NKTR: variants seen among roughly 807,000 people sequenced by gnomAD.
The protein encoded by NKTR is NK-tumor recognition protein.
Under a neutral mutation model 156.3 loss-of-function variants are expected in NKTR, and 67 were observed. The observed-to-expected ratio is 0.43, with a 90% CI of 0.35 to 0.53. The LOEUF (loss-of-function observed/expected upper bound fraction) is 0.53, where lower values mean the gene tolerates loss of function less well. NKTR is among the 20% of genes least tolerant of loss of function. NKTR has a pLI of 0.01. For missense variants in NKTR, 1,604 were observed against 1,730.9 expected, an observed-to-expected ratio of 0.93 and a Z score of 1.30; for synonymous variants, 640 against 596.6, an observed-to-expected ratio of 1.07 and a Z score of -1.06.
chr3:42,645,576 A>G (rs550090234), intron 16 of NKTR, among the ~76,000 whole-genome samples: 1 of 152,102 alleles, frequency 6.6e-6, no homozygotes, highest in South Asian at 2.1e-4. Flanking sequence ...TGCAGCTACT[A>G]GGGAGGCTGA....
rs571275948 is a variant in NKTR, at chr3:42,622,906, C to T, written c.374+1390C>T. Among the ~76,000 whole-genome samples the T allele has an allele frequency of 2.0e-5, 3 of 152,022 alleles. No individual in the cohort carries two copies. The South Asian group carries it at 6.2e-4, about 32-fold the overall frequency. On this transcript the variant is annotated intron_variant, in intron 6 of 16. Coordinates refer to ENST00000232978, the MANE Select transcript of NKTR (RefSeq NM_005385.4). Reference sequence around the variant, plus strand: ...TGGTCAAGAAGCTACCATTTGAGGGCTCTAAAGTTTCTTTTAGATTTCCTT... The same window carrying T: ...TGGTCAAGAAGCTACCATTTGAGGGTTCTAAAGTTTCTTTTAGATTTCCTT...
intron 6 of NKTR, chr3:42,630,310 A>G (rs1348355331): frequency 3.1e-6 from 4 of 1,306,994 alleles, no homozygotes; most frequent in East Asian, 3.0e-5. Context: ...ATGCATACAT[A>G]TAGTCTAATA....
chr3:42,621,899 C>G (rs1164982197), intron 6 of NKTR, among the ~76,000 whole-genome samples: 1 of 151,962 alleles, frequency 6.6e-6, no homozygotes, highest in Non-Finnish European at 1.5e-5. Context: ...TGTACCCCCT[C>G]AACAGGGAAA....
chr3:42,645,987 T>C lies in NKTR; in HGVS notation c.*12T>C. 1.9e-6 allele frequency: 3 copies of C among 1,579,496 alleles called. No individual in the cohort carries two copies. Among genetic ancestry groups the C allele is most frequent in the Non-Finnish European group, 2.6e-6 (3 of 1,149,180 alleles). ...GCAGATACAGTTGAAAACGTCCGGATACAAATTATATCTTATTTGTAAATA... is the reference window on the plus strand; with the variant it reads ...GCAGATACAGTTGAAAACGTCCGGACACAAATTATATCTTATTTGTAAATA... On this transcript the variant is annotated 3_prime_UTR_variant, in exon 17 of 17. Coordinates refer to ENST00000232978, the MANE Select transcript of NKTR (RefSeq NM_005385.4).
rs961033824 is a variant in NKTR, at chr3:42,637,241, C to A, written c.1537C>A (p.His513Asn). ...TAAGGATGTCCAGAGCTCTTTAACC[C>A]ATTCCAGCAGAGACTCATACAGATC... ...SDKDVQSSLT[H>N]SSRDSYRSKS... The change falls in exon 13 of 17, where the codon CAT (histidine) becomes AAT (asparagine). Residue 513 changes from histidine (H) to asparagine (N), a missense_variant. Physicochemically the swap from His to Asn is moderately conservative, Grantham distance 68. Coordinates refer to ENST00000232978, the MANE Select transcript of NKTR (RefSeq NM_005385.4). The A allele has an allele frequency of 1.2e-6, 2 of 1,611,776 alleles. No individual in the cohort carries two copies. Among genetic ancestry groups the A allele is most frequent in the Non-Finnish European group, 1.7e-6 (2 of 1,179,306 alleles).
At chr3:42,605,263 G>A (rs1178434656) in intron 2 of NKTR, among the ~76,000 whole-genome samples, 1 of 152,076 alleles carries the variant, frequency 6.6e-6, no homozygotes, top group Non-Finnish European at 1.5e-5. Flanking sequence ...GATTTCTTCT[G>A]GATAGCAAAT....
In NKTR at chr3:42,635,350, T is replaced by C; in HGVS notation, c.1147T>C (p.Trp383Arg). The change falls in exon 12 of 17, where the codon TGG becomes CGG. Residue 383 changes from tryptophan to arginine, a missense_variant. By Grantham distance (101) the Trp-to-Arg change is moderately radical (BLOSUM62 -3). Coordinates refer to ENST00000232978, the MANE Select transcript of NKTR (RefSeq NM_005385.4). ...ATATAGACCACCTAGTGGAGAAAAA[T>C]GGAGTAAAGGAGATAAGTAAGAACT... ...RAYRPPSGEKWSKGDKLSDPC... is the reference protein window; with the variant it reads ...RAYRPPSGEKRSKGDKLSDPC... 1 of 1,609,722 alleles carries C rather than the reference T, an allele frequency of 6.2e-7. No individual in the cohort carries two copies. The highest frequency in any genetic ancestry group is 1.7e-5 in the Admixed American group (1 of 59,226).
rs747427726 is a variant in NKTR at position 42,637,213 on chromosome 3, T to C, written c.1509T>C (p.Ser503=). Residue 503 remains serine, a synonymous_variant, in exon 13 of 17, where the codon TCT becomes TCC. Transcript: ENST00000232978. ...HHSSKRDWSK[S]DKDVQSSLTH... is the part of the protein sequence containing the mutation. Reference sequence around the variant, plus strand: ...CATCAAAGAGAGACTGGTCTAAATCTGATAAGGATGTCCAGAGCTCTTTAA... The same window carrying C: ...CATCAAAGAGAGACTGGTCTAAATCCGATAAGGATGTCCAGAGCTCTTTAA... 2 of 1,611,260 alleles carry C rather than the reference T, an allele frequency of 1.2e-6. No individual in the cohort carries two copies. The highest frequency in any genetic ancestry group is 2.2e-5 in the South Asian group (2 of 90,420).
chr3:42,628,515 TG>T, intron 6 of NKTR: 1 of 985,426 alleles, frequency 1.0e-6, no homozygotes, highest in Non-Finnish European at 1.2e-6. Context: ...TCAGCCAAGA[TG>T]GCAAATTGAA....
intron 6 of NKTR, among the ~76,000 whole-genome samples, chr3:42,622,791 A>G (rs1408332442): frequency 2.0e-5 from 3 of 152,070 alleles, no homozygotes; most frequent in Admixed American, 6.6e-5. Context: ...TAGTAACTTA[A>G]TGTAAAAATT....
intron 2 of NKTR, among the ~76,000 whole-genome samples, chr3:42,613,732 A>T (rs1005069549): frequency 1.3e-5 from 2 of 152,300 alleles, no homozygotes; most frequent in Admixed American, 1.3e-4. Context: ...CATGACATAG[A>T]CTTTTCCTGT....
Position 42,635,413 on chromosome 3 carries a change from A to C in NKTR, c.1163+47A>C, listed in dbSNP as rs780017629. The stretch of plus-strand genomic sequence containing the variant: ...ACAATCCTGTGTCTGTTATATTTTA[A>C]ATGTTAAAGGGATTGGATACAATTC... On this transcript the variant is annotated intron_variant, in intron 12 of 16. Transcript: ENST00000232978. 32 of 1,441,492 alleles carry C rather than the reference A, an allele frequency of 2.2e-5. No homozygotes were observed. In the Admixed American group the frequency reaches 6.1e-4, roughly 28 times the overall value. The allele number at this position is 1,441,492 out of a possible 1,614,324, so 89.3% of individuals were successfully genotyped here.
rs748456955 is a variant in NKTR at position 42,637,374 on chromosome 3, C to G, written c.1670C>G (p.Ser557Cys). 6.2e-7 allele frequency: 1 copy of G among 1,614,124 alleles called. No homozygotes were observed. The highest frequency in any genetic ancestry group is 2.2e-5 in the East Asian group (1 of 44,886). The stretch of plus-strand genomic sequence containing the variant: ...TCAAAGTCCAGATCTAGTTCCAAGT[C>G]TGGGCACCGAAAGAGAGCATCAAAA... ...SRSKSRSSSKSGHRKRASKSP... is the reference protein window; with the variant it reads ...SRSKSRSSSKCGHRKRASKSP... Residue 557 changes from serine (S) to cysteine (C), a missense_variant, in exon 13 of 17, where the codon TCT (serine) becomes TGT (cysteine). Physicochemically the swap from Ser to Cys is moderately radical, Grantham distance 112 (BLOSUM62 -1). This residue lies in a region of NKTR where 1,255 missense variants were observed against 1,243.7 expected (regional missense o/e 1.01). Transcript: ENST00000232978.
chr3:42,621,805 G>T (rs1019523012), intron 6 of NKTR, among the ~76,000 whole-genome samples: 20 of 151,766 alleles, frequency 1.3e-4, no homozygotes, highest in Non-Finnish European at 2.5e-4. Context: ...TGTCAAATTC[G>T]AGTGCTGACT....
chr3:42,614,611 G>C (rs1222276187), intron 2 of NKTR, among the ~76,000 whole-genome samples: 1 of 152,074 alleles, frequency 6.6e-6, no homozygotes, highest in African/African-American at 2.4e-5. Flanking sequence ...TTGCTGATCT[G>C]TATCCTGTAG....
At position 42,638,672 on chromosome 3, in the gene NKTR, A is replaced by G; in HGVS notation, c.2968A>G (p.Thr990Ala). The G allele has an allele frequency of 6.2e-7, 1 of 1,611,820 alleles. No individual in the cohort carries two copies. The highest frequency in any genetic ancestry group is 8.5e-7 in the Non-Finnish European group (1 of 1,179,530). ...GSKENLKREH[T>A]KKVKEKLKGK... Reference sequence around the variant, plus strand: ...AAAGGAAAATCTTAAAAGAGAACACACCAAAAAAGTGAAAGAGAAATTGAA... The same window carrying G: ...AAAGGAAAATCTTAAAAGAGAACACGCCAAAAAAGTGAAAGAGAAATTGAA... Residue 990 changes from threonine to alanine, a missense_variant, in exon 13 of 17, where the codon ACC (threonine) becomes GCC (alanine). By Grantham distance (58) the Thr-to-Ala change is moderately conservative. Transcript: ENST00000232978.
rs1577575466 is a variant in NKTR, at chr3:42,639,101, A to G, written c.3397A>G (p.Thr1133Ala). The change falls in exon 13 of 17, where the codon ACT becomes GCT. Residue 1133 changes from threonine (T) to alanine (A), a missense_variant. This residue lies in a region of NKTR where 1,255 missense variants were observed against 1,243.7 expected (regional missense o/e 1.01). Coordinates refer to ENST00000232978, the MANE Select transcript of NKTR (RefSeq NM_005385.4). Reference protein sequence around the residue: ...LQTDDNMEICTPDRSSPAKVE... With the variant: ...LQTDDNMEICAPDRSSPAKVE... ...AACAGATGACAACATGGAGATCTGC[A>G]CTCCTGATAGGAGTTCCCCAGCAAA... The G allele has an allele frequency of 6.2e-7, 1 of 1,614,124 alleles. No individual in the cohort carries two copies. The highest frequency in any genetic ancestry group is 2.2e-5 in the East Asian group (1 of 44,874).
intron 5 of NKTR, 72 bp from the exon 6 acceptor site, chr3:42,621,357 A>G (rs986652780): frequency 7.0e-5 from 108 of 1,532,390 alleles, no homozygotes; most frequent in Non-Finnish European, 8.8e-5. Flanking sequence ...TTTGCTTTCT[A>G]TTTATTACTT....
chr3:42,635,295 C>A lies in NKTR; in HGVS notation c.1092C>A (p.His364Gln). 6.2e-7 allele frequency: 1 copy of A among 1,613,058 alleles called. No individual in the cohort carries two copies. The highest frequency in any genetic ancestry group is 8.5e-7 in the Non-Finnish European group (1 of 1,179,174). ...DDDDSSETPPHWKEEMQRLRA... is the reference protein window; with the variant it reads ...DDDDSSETPPQWKEEMQRLRA... ...ATGACAGCAGTGAAACTCCTCCTCA[C>A]TGGAAAGAGGAAATGCAGAGATTAA... Residue 364 changes from histidine (H) to glutamine (Q), a missense_variant, in exon 12 of 17, where the codon CAC becomes CAA. By Grantham distance (24) the His-to-Gln change is conservative (BLOSUM62 0). Transcript: ENST00000232978.
Sources: gnomAD v4.1 joint callset for allele counts (sites outside exome capture counted in the v4.1 genomes callset) on GRCh38, gnomAD v4.1.1 for gene constraint, gnomAD v4.1.1 regional missense constraint, MANE v1.5 for transcripts, NCBI Gene and HGNC (gene_info 2026-07-23, HGNC 2026-07-21) for gene names.